Variants in ROBO2 observed in about 807,000 individuals in gnomAD.
ROBO2 encodes roundabout guidance receptor 2.
In ROBO2, 53 loss-of-function variants were observed where a neutral mutation model predicts 160.8. The observed-to-expected ratio is 0.33, with a 90% CI of 0.26 to 0.41. The LOEUF is 0.41. ROBO2 is among the 10% of genes least tolerant of loss of function. The pLI, the probability that ROBO2 is intolerant of heterozygous loss-of-function variation, is 1.00. For missense variants in ROBO2, 1,577 were observed against 1,722.4 expected (o/e 0.92, Z 1.49); for synonymous variants, 664 against 611.7 (o/e 1.09, Z -1.26).
At chr3:76,599,956 T>C (rs1484187217) in intron 2 of ROBO2, among the ~76,000 whole-genome samples, 1 of 152,250 alleles carries the variant, frequency 6.6e-6, no homozygotes, top group Non-Finnish European at 1.5e-5. Flanking sequence ...CTTTGTCATG[T>C]GCATAGTTCT....
At chr3:76,077,194 G>A (rs183367110) in intron 2 of ROBO2, among the ~76,000 whole-genome samples, 51 of 152,190 alleles carry the variant, frequency 3.4e-4, no homozygotes, top group Non-Finnish European at 6.3e-4. Flanking sequence ...TTCCCATAAT[G>A]TGTAGAAAAG....
In ROBO2 at chr3:76,038,767, C is replaced by T. The variant is rs201603027; in HGVS notation, c.109+101165C>T. On this transcript the variant is annotated intron_variant, in intron 2 of 26. Coordinates refer to the ROBO2 transcript ENST00000487694. ...CCAACTGGTAGCACATGGAAAACTG[C>T]GTGTGTGTGTGTGTGTGTGTGTGTA... is the stretch of plus-strand genomic sequence containing the variant. 7.4e-5 allele frequency among the ~76,000 whole-genome samples: 11 copies of T among 148,326 alleles called. No individual in the cohort carries two copies. The East Asian group carries it at 1.7e-3, about 23-fold the overall frequency.
intron 2 of ROBO2, among the ~76,000 whole-genome samples, chr3:77,279,641 A>ATT (rs1225949746): frequency 1.3e-5 from 2 of 152,138 alleles, no homozygotes; most frequent in Non-Finnish European, 2.9e-5. Context: ...ACACATACTA[A>ATT]CATGTGGAGT....
chr3:76,957,668 T>C (rs753544685), intron 2 of ROBO2, among the ~76,000 whole-genome samples: 13 of 151,772 alleles, frequency 8.6e-5, no homozygotes, highest in Non-Finnish European at 1.6e-4. Context: ...CCGTCTCTAC[T>C]AAAAATACAA....
intron 2 of ROBO2, among the ~76,000 whole-genome samples, chr3:76,746,945 G>A (rs898731957): frequency 3.9e-5 from 6 of 151,900 alleles, no homozygotes; most frequent in African/African-American, 9.7e-5. Flanking sequence ...GGATAATGGC[G>A]TCCAGGTCCA....
intron 2 of ROBO2, among the ~76,000 whole-genome samples, chr3:76,716,239 A>G (rs2093376733): frequency 6.6e-6 from 1 of 152,198 alleles, no homozygotes; most frequent in African/African-American, 2.4e-5. Flanking sequence ...GCAACTTTCC[A>G]TAGATACTGT....
At chr3:76,121,313 A>G (rs2070743612) in intron 2 of ROBO2, among the ~76,000 whole-genome samples, 1 of 152,158 alleles carries the variant, frequency 6.6e-6, no homozygotes, top group Non-Finnish European at 1.5e-5. Context: ...AACATAATAA[A>G]GAAATATTAT....
exon 26 of ROBO2, chr3:77,647,998 T>C (rs1019706642): frequency 6.6e-6 from 1 of 152,154 alleles, no homozygotes; most frequent in African/African-American, 2.4e-5. Flanking sequence ...TTTGGTGCCA[T>C]GTAATTTATT....
chr3:77,642,260 A>G (rs1176298722), intron 24 of ROBO2, among the ~76,000 whole-genome samples: 2 of 152,012 alleles, frequency 1.3e-5, no homozygotes, highest in African/African-American at 2.4e-5. Context: ...TTGGCAGGAG[A>G]GCTTTTGTTC....
chr3:75,952,137 G>T (rs1264144818), intron 2 of ROBO2, among the ~76,000 whole-genome samples: 1 of 151,872 alleles, frequency 6.6e-6, no homozygotes, highest in Non-Finnish European at 1.5e-5. Context: ...ATCCTACATT[G>T]AAATGACTCA....
chr3:77,518,480 A>T (rs2090253979), intron 5 of ROBO2, among the ~76,000 whole-genome samples: 1 of 151,538 alleles, frequency 6.6e-6, no homozygotes, highest in Non-Finnish European at 1.5e-5. Flanking sequence ...AAATTACAAC[A>T]TCCCAATGTG....
intron 1 of ROBO2, among the ~76,000 whole-genome samples, chr3:77,084,220 A>G (rs1000286296): frequency 6.6e-6 from 1 of 152,146 alleles, no homozygotes; most frequent in African/African-American, 2.4e-5. Flanking sequence ...GCATCACTAA[A>G]ACACTAAAAT....
intron 2 of ROBO2, among the ~76,000 whole-genome samples, chr3:76,766,731 T>C (rs72894219): frequency 0.02 from 2,976 of 151,616 alleles, 93 homozygotes; most frequent in African/African-American, 0.067. Flanking sequence ...TCTAAATAGG[T>C]GAAGCTCTTA....
chr3:77,496,112 C>T (rs547332203), intron 5 of ROBO2, among the ~76,000 whole-genome samples: 9 of 152,312 alleles, frequency 5.9e-5, no homozygotes, highest in African/African-American at 1.9e-4. Context: ...CTTATTTTCA[C>T]TAACTTCCTT....
intron 2 of ROBO2, among the ~76,000 whole-genome samples, chr3:76,334,096 C>G (rs1248259171): frequency 6.6e-6 from 1 of 152,054 alleles, no homozygotes; most frequent in Non-Finnish European, 1.5e-5. Context: ...ACGTATGTAA[C>G]AAACCTGCAC....
chr3:76,497,316 C>T (rs189860084), intron 2 of ROBO2, among the ~76,000 whole-genome samples: 2 of 152,276 alleles, frequency 1.3e-5, no homozygotes, highest in East Asian at 3.9e-4. Context: ...CCACATCAGC[C>T]TCCCAAGTAT....
intron 2 of ROBO2, among the ~76,000 whole-genome samples, chr3:76,970,552 T>A (rs747627413): frequency 6.6e-6 from 1 of 152,092 alleles, no homozygotes; most frequent in Non-Finnish European, 1.5e-5. Context: ...TTCACCAGCT[T>A]AAATCTACAA....
chr3:76,642,510 G>A (rs568763134), intron 2 of ROBO2, among the ~76,000 whole-genome samples: 5 of 151,784 alleles, frequency 3.3e-5, no homozygotes, highest in Admixed American at 2.0e-4. Flanking sequence ...GCGCCACCAC[G>A]CCCTGCCAAT....
intron 2 of ROBO2, among the ~76,000 whole-genome samples, chr3:76,129,071 A>T (rs2071119301): frequency 6.6e-6 from 1 of 151,904 alleles, no homozygotes; most frequent in Non-Finnish European, 1.5e-5. Context: ...AAAAAAAAAA[A>T]AGAAACTCAA....
Sources: gnomAD v4.1 joint callset for allele counts (sites outside exome capture counted in the v4.1 genomes callset) on GRCh38, gnomAD v4.1.1 for gene constraint, MANE v1.5 for transcripts, NCBI Gene and HGNC (gene_info 2026-07-23, HGNC 2026-07-21) for gene names.